CACNB2: variants seen among roughly 807,000 people sequenced by gnomAD.
CACNB2 encodes voltage-dependent L-type calcium channel subunit beta-2.
A neutral mutation model predicts 73.3 loss-of-function variants in CACNB2; 42 were observed. The ratio of observed to expected loss-of-function variants is 0.57; its 90% CI spans 0.45 to 0.74. The LOEUF is 0.74. Among genes scored for constraint, CACNB2 ranks in the 30% least tolerant of loss-of-function variants. The pLI is 0.00. For synonymous variants in CACNB2, 348 were observed against 310.3 expected (o/e 1.12, Z -1.28); for missense variants, 940 against 853.0 (o/e 1.10, Z -1.27).
At chr10:18,237,738 A>G (rs1236490875) in intron 2 of CACNB2, among the ~76,000 whole-genome samples, 1 of 152,218 alleles carries the variant, frequency 6.6e-6, no homozygotes, top group East Asian at 1.9e-4. Flanking sequence ...GAGAAGGACA[A>G]GAGCTGTTCA....
chr10:18,286,508 A>T, intron 2 of CACNB2, among the ~76,000 whole-genome samples: 1 of 114,084 alleles, frequency 8.8e-6, no homozygotes, highest in African/African-American at 3.5e-5. Context: ...AAAGAGCGAG[A>T]TTCTGTCTCA....
At chr10:18,411,351 C>A (rs1054448232) in intron 3 of CACNB2, among the ~76,000 whole-genome samples, 1 of 152,132 alleles carries the variant, frequency 6.6e-6, no homozygotes, top group African/African-American at 2.4e-5. Flanking sequence ...GTAACAATCA[C>A]ACACATTGGT....
chr10:18,207,024 T>C (rs2035123734), intron 2 of CACNB2, among the ~76,000 whole-genome samples: 1 of 152,198 alleles, frequency 6.6e-6, no homozygotes, highest in African/African-American at 2.4e-5. Flanking sequence ...ATTTATTTAT[T>C]TAGAGACAGA....
intron 3 of CACNB2, among the ~76,000 whole-genome samples, chr10:18,438,569 A>G (rs942313140): frequency 1.3e-5 from 2 of 152,188 alleles, no homozygotes; most frequent in Admixed American, 6.5e-5. Flanking sequence ...CGTGCCGCCA[A>G]TAGTGATTCA....
chr10:18,404,471 A>G (rs1419863917), intron 3 of CACNB2, among the ~76,000 whole-genome samples: 1 of 152,248 alleles, frequency 6.6e-6, no homozygotes, highest in African/African-American at 2.4e-5. Context: ...GTTTAAAAAC[A>G]TAACAATTCA....
In CACNB2 at chr10:18,291,841, G is replaced by T. The variant is rs1439775765; in HGVS notation, c.214-110083G>T. ...TTTAAGAACTTAAAGACATCTAGTT[G>T]TTTCATGTTGGTAAGAGTATTTGGA... is the stretch of plus-strand genomic sequence containing the variant. On this transcript the variant is annotated intron_variant, in intron 2 of 13. Coordinates refer to ENST00000324631, the MANE Select transcript of CACNB2 (RefSeq NM_201596.3). 7.2e-5 allele frequency among the ~76,000 whole-genome samples: 11 copies of T among 152,246 alleles called. No homozygotes were observed. In the South Asian group the frequency reaches 1.5e-3, roughly 20 times the overall value.
chr10:18,514,671 C>T, intron 7 of CACNB2: 2 of 982,016 alleles, frequency 2.0e-6, no homozygotes, highest in South Asian at 2.7e-5. Flanking sequence ...CATTTCAAAC[C>T]AACTAAATTC....
intron 3 of CACNB2, among the ~76,000 whole-genome samples, chr10:18,457,815 G>A (rs977991732): frequency 3.3e-5 from 5 of 152,180 alleles, no homozygotes; most frequent in East Asian, 1.9e-4. Flanking sequence ...ACTTGAACCC[G>A]GGAGGCGGAG....
chr10:18,146,742 T>C (rs1337981545), intron 1 of CACNB2, among the ~76,000 whole-genome samples: 1 of 152,126 alleles, frequency 6.6e-6, no homozygotes, highest in Non-Finnish European at 1.5e-5. Flanking sequence ...TGCCTCTACC[T>C]CCCAAAGTGC....
At chr10:18,500,596 G>C (rs139076816) in intron 4 of CACNB2, among the ~76,000 whole-genome samples, 370 of 152,262 alleles carry the variant, frequency 2.4e-3, no homozygotes, top group African/African-American at 8.6e-3. Context: ...GGCAGCACCA[G>C]GACAGACAAG....
intron 2 of CACNB2, among the ~76,000 whole-genome samples, chr10:18,292,330 C>T (rs1003759463): frequency 2.0e-5 from 3 of 152,182 alleles, no homozygotes; most frequent in Admixed American, 6.5e-5. Context: ...ATAACAACGG[C>T]ATGTTAATCC....
At chr10:18,400,637 C>G in intron 2 of CACNB2, 1 of 1,000,672 alleles carries the variant, frequency 1.0e-6, no homozygotes, top group Non-Finnish European at 1.2e-6. Flanking sequence ...CGTTTTTGCA[C>G]TAGTTTTTTT....
In CACNB2 at chr10:18,169,372, T is replaced by C. The variant is rs539350569; in HGVS notation, c.213+18397T>C. Among the ~76,000 whole-genome samples, 5 of 152,276 alleles carry C rather than the reference T, an allele frequency of 3.3e-5. No individual in the cohort carries two copies. In the East Asian group the frequency reaches 7.7e-4, roughly 24 times the overall value. On this transcript the variant is annotated intron_variant, in intron 2 of 13. Transcript: ENST00000324631. ...GCTACTCTCATTCTTGTTTTATGTT[T>C]ACAAATAGGTTTCTTCTGATTACAA... is the stretch of plus-strand genomic sequence containing the variant.
chr10:18,375,861 C>T (rs551011763), intron 2 of CACNB2, among the ~76,000 whole-genome samples: 1 of 152,164 alleles, frequency 6.6e-6, no homozygotes, highest in Admixed American at 6.5e-5. Context: ...AATATTTTTA[C>T]ATCAGTTGAG....
chr10:18,299,588 T>C (rs2039425193), intron 2 of CACNB2, among the ~76,000 whole-genome samples: 1 of 151,976 alleles, frequency 6.6e-6, no homozygotes. Flanking sequence ...GCATATACCT[T>C]TACTCCCAGC....
At position 18,507,915 on chromosome 10, in the gene CACNB2, A is replaced by G. The variant is rs553027716; in HGVS notation, c.670+1368A>G. ...GAATGGTGGTGGCCTTTAGAGACCAATCAAGGACTTCTTAGCAAAAACTAT... is the reference window on the plus strand; with the variant it reads ...GAATGGTGGTGGCCTTTAGAGACCAGTCAAGGACTTCTTAGCAAAAACTAT... On this transcript the variant is annotated intron_variant, in intron 6 of 13. Coordinates refer to ENST00000324631, the MANE Select transcript of CACNB2 (RefSeq NM_201596.3). Among the ~76,000 whole-genome samples, 12 of 152,298 alleles carry G rather than the reference A, an allele frequency of 7.9e-5. No individual in the cohort carries two copies. The South Asian group carries it at 2.5e-3, about 32-fold the overall frequency.
At chr10:18,311,679 G>A (rs1047267669) in intron 2 of CACNB2, among the ~76,000 whole-genome samples, 7 of 152,122 alleles carry the variant, frequency 4.6e-5, no homozygotes, top group South Asian at 2.1e-4. Context: ...CATCCTCATC[G>A]TCTTCCCACT....
chr10:18,353,196 G>T (rs2041781099), intron 2 of CACNB2, among the ~76,000 whole-genome samples: 1 of 152,272 alleles, frequency 6.6e-6, no homozygotes, highest in Non-Finnish European at 1.5e-5. Context: ...TGGATCACAA[G>T]GTCAGGAGTT....
At chr10:18,372,105 C>T (rs2042611735) in intron 2 of CACNB2, among the ~76,000 whole-genome samples, 1 of 152,022 alleles carries the variant, frequency 6.6e-6, no homozygotes, top group African/African-American at 2.4e-5. Context: ...GGATATTAGA[C>T]CTTTGTCAGA....
Sources: gnomAD v4.1 joint callset for allele counts (sites outside exome capture counted in the v4.1 genomes callset) on GRCh38, gnomAD v4.1.1 for gene constraint, MANE v1.5 for transcripts, NCBI Gene and HGNC (gene_info 2026-07-23, HGNC 2026-07-21) for gene names.